The following NEMP2 variants were observed in gnomAD, a reference collection of about 807,000 sequenced individuals.
NEMP2 encodes the protein nuclear envelope integral membrane protein 2, also known as UPF0571 transmembrane protein.
A neutral mutation model predicts 54.2 loss-of-function variants in NEMP2; 53 were observed. That is an observed-to-expected ratio of 0.98 (90% CI 0.78 to 1.23). The LOEUF (loss-of-function observed/expected upper bound fraction) is 1.23. Ranked by LOEUF, NEMP2 falls within the 50% of genes most tolerant of loss-of-function variation. The pLI is 0.00. For synonymous variants in NEMP2, 197 were observed against 190.3 expected (o/e 1.04, Z -0.29); for missense variants, 455 against 511.3 (o/e 0.89, Z 1.06).
In NEMP2 at chr2:190,510,647, C is replaced by T. The variant is rs1011185180; in HGVS notation, c.954-110G>A. 5 of 1,108,286 alleles carry T rather than the reference C, an allele frequency of 4.5e-6. No individual in the cohort carries two copies. Among genetic ancestry groups the T allele is most frequent in the Non-Finnish European group, 5.2e-6 (4 of 766,706 alleles). 68.7% of individuals were successfully genotyped at this position (1,108,286 alleles called of 1,614,324 possible). On this transcript the variant is annotated intron_variant, in intron 7 of 8. Transcript: ENST00000409150. The surrounding 1 kb of genome is among the most constrained non-coding windows in gnomAD (Gnocchi z 5.7). Reference sequence around the variant, plus strand: ...CCTGTAATCCAGCATTTTGGGAGGCCTGGGGAGGCGGATCACGAGGTCAGG... The same window carrying T: ...CCTGTAATCCAGCATTTTGGGAGGCTTGGGGAGGCGGATCACGAGGTCAGG...
chr2:190,621,355 C>T, the NEMP2 span, among the ~76,000 whole-genome samples: 23,383 of 152,096 alleles, frequency 0.15, 2,717 homozygotes, highest in Admixed American at 0.36. Flanking sequence ...AACATTTGTG[C>T]GTCTCAACAT....
At chr2:190,473,537 A>C in the NEMP2 span, among the ~76,000 whole-genome samples, 4 of 152,204 alleles carry the variant, frequency 2.6e-5, no homozygotes, top group African/African-American at 9.6e-5. Context: ...CTAAATATAT[A>C]TGCACCCAAT....
At chr2:190,498,506 A>G in the NEMP2 span, among the ~76,000 whole-genome samples, 1 of 152,190 alleles carries the variant, frequency 6.6e-6, no homozygotes, top group African/African-American at 2.4e-5. This position sits in a 1 kb window ranked among gnomAD's most constrained non-coding sequence, Gnocchi z 5.9. Flanking sequence ...CTGTTAATTA[A>G]TCTCACTTTG....
chr2:190,531,455 C>T lies in NEMP2; in HGVS notation c.97+3104G>A, dbSNP rs192437876. 6.6e-6 allele frequency among the ~76,000 whole-genome samples: 1 copy of T among 152,208 alleles called. No homozygotes were observed. The highest frequency in any genetic ancestry group is 1.5e-5 in the Non-Finnish European group (1 of 68,040). ...AACTTCTTGCAATCCTCAGCAGGCT[C>T]TTTGATGCTTTCAATTAACCTGACT... On this transcript the variant is annotated intron_variant, in intron 1 of 8. Transcript: ENST00000409150. This position sits in a 1 kb window ranked among gnomAD's most constrained non-coding sequence, Gnocchi z 4.7.
At position 190,516,385 on chromosome 2, in the gene NEMP2, C is replaced by G; in HGVS notation, c.613-1G>C. 6.5e-7 allele frequency: 1 copy of G among 1,541,498 alleles called. No individual in the cohort carries two copies. The highest frequency in any genetic ancestry group is 2.4e-5 in the East Asian group (1 of 40,854). On this transcript the variant is annotated splice_acceptor_variant, in intron 5 of 8. Coordinates refer to ENST00000409150, the MANE Select transcript of NEMP2 (RefSeq NM_001142645.2). LOFTEE classifies it high-confidence loss of function. The stretch of plus-strand genomic sequence containing the variant: ...CCATTAGAGCCCAAAAGGTGCTATA[C>G]TGTGTGTGGAAGAAAATAAATGACA...
At chr2:190,542,409 G>A in the NEMP2 span, among the ~76,000 whole-genome samples, 11 of 152,144 alleles carry the variant, frequency 7.2e-5, no homozygotes, top group South Asian at 2.1e-4. The surrounding 1 kb of genome is among the most constrained non-coding windows in gnomAD (Gnocchi z 4.6). Context: ...ACAAAATTTC[G>A]CCATGTTGGC....
At chr2:190,462,150 TA>T in the NEMP2 span, among the ~76,000 whole-genome samples, 1 of 152,194 alleles carries the variant, frequency 6.6e-6, no homozygotes, top group Non-Finnish European at 1.5e-5. This position sits in a 1 kb window ranked among gnomAD's most constrained non-coding sequence, Gnocchi z 5.7. Context: ...TGTATTAATA[TA>T]ATGTGAATAT....
At chr2:190,633,533 C>T in the NEMP2 span, among the ~76,000 whole-genome samples, 8 of 151,964 alleles carry the variant, frequency 5.3e-5, no homozygotes, top group Non-Finnish European at 8.8e-5. Flanking sequence ...AGGCTGGTCT[C>T]AAACTCCTGA....
rs931734833 is a variant in NEMP2, at chr2:190,530,855, A to C, written c.97+3704T>G. ...AGAACCTCCGGTAGCAGATGTAGGC[A>C]AACTCAAATGTATCAAAACAACAAC... is the stretch of plus-strand genomic sequence containing the variant. On this transcript the variant is annotated intron_variant, in intron 1 of 8. Transcript: ENST00000409150. This position sits in a 1 kb window ranked among gnomAD's most constrained non-coding sequence, Gnocchi z 4.6. Among the ~76,000 whole-genome samples, 1 of 152,212 alleles carries C rather than the reference A, an allele frequency of 6.6e-6. No homozygotes were observed. Among genetic ancestry groups the C allele is most frequent in the Non-Finnish European group, 1.5e-5 (1 of 68,030 alleles).
At chr2:190,564,750 T>C in the NEMP2 span, among the ~76,000 whole-genome samples, 25,409 of 152,210 alleles carry the variant, frequency 0.17, 2,296 homozygotes, top group Middle Eastern at 0.22. The surrounding 1 kb of genome is among the most constrained non-coding windows in gnomAD (Gnocchi z 4.2). Context: ...CCACTAAGTT[T>C]CTAGTTGCTG....
the NEMP2 span, among the ~76,000 whole-genome samples, chr2:190,549,565 T>A: frequency 6.6e-6 from 1 of 152,210 alleles, no homozygotes; most frequent in African/African-American, 2.4e-5. Flanking sequence ...TTTTGAATAA[T>A]ATTATCATGA....
At chr2:190,602,022 C>G in the NEMP2 span, among the ~76,000 whole-genome samples, 1 of 152,110 alleles carries the variant, frequency 6.6e-6, no homozygotes, top group Non-Finnish European at 1.5e-5. Flanking sequence ...CTAAAATGAA[C>G]ACACAGATAA....
At chr2:190,498,923 G>A in the NEMP2 span, among the ~76,000 whole-genome samples, 1 of 152,140 alleles carries the variant, frequency 6.6e-6, no homozygotes, top group Non-Finnish European at 1.5e-5. The surrounding 1 kb of genome is among the most constrained non-coding windows in gnomAD (Gnocchi z 5.9). Context: ...GCCGAGGTGG[G>A]TGGATCACGA....
Position 190,508,988 on chromosome 2 carries a change from C to T in NEMP2, c.*201G>A, listed in dbSNP as rs557703048. On this transcript the variant is annotated 3_prime_UTR_variant, in exon 9 of 9. Coordinates refer to ENST00000409150, the MANE Select transcript of NEMP2 (RefSeq NM_001142645.2). This position sits in a 1 kb window ranked among gnomAD's most constrained non-coding sequence, Gnocchi z 4.3. ...GTCACAGAATTTTGGTATCCACCTA[C>T]AGTACAATAAGTAGCAGAAGTCACC... 138 of 705,076 alleles carry T rather than the reference C, an allele frequency of 2.0e-4. No individual in the cohort carries two copies. The Middle Eastern group carries it at 2.0e-3, about 10-fold the overall frequency. The allele number at this position is 705,076 out of a possible 1,614,324, so 43.7% of individuals were successfully genotyped here.
At chr2:190,642,034 T>C in the NEMP2 span, among the ~76,000 whole-genome samples, 19 of 152,368 alleles carry the variant, frequency 1.2e-4, no homozygotes, top group Admixed American at 3.9e-4. This position sits in a 1 kb window ranked among gnomAD's most constrained non-coding sequence, Gnocchi z 4.1. Flanking sequence ...AATATACTTT[T>C]CTGCTCTTTC....
upstream of NEMP2, chr2:190,534,792 C>T: frequency 1.4e-5 from 8 of 590,876 alleles, no homozygotes; most frequent in Non-Finnish European, 1.7e-5. Context: ...GACCCCGCCT[C>T]CCCGGGGCGG....
At chr2:190,483,269 ATTTACTATAGAATAC>A in the NEMP2 span, among the ~76,000 whole-genome samples, 3 of 152,158 alleles carry the variant, frequency 2.0e-5, no homozygotes, top group African/African-American at 7.2e-5. Context: ...AGATAGTTAC[ATTTACTATAGAATAC>A]TTCTAACAAT....
At chr2:190,567,381 G>A in the NEMP2 span, among the ~76,000 whole-genome samples, 13 of 152,040 alleles carry the variant, frequency 8.6e-5, 2 homozygotes, top group African/African-American at 2.9e-4. This position sits in a 1 kb window ranked among gnomAD's most constrained non-coding sequence, Gnocchi z 4.0. Flanking sequence ...TACAAGAAAA[G>A]TTCCCAGAAC....
the NEMP2 span, among the ~76,000 whole-genome samples, chr2:190,602,412 T>G: frequency 2.0e-5 from 3 of 152,230 alleles, no homozygotes; most frequent in Non-Finnish European, 4.4e-5. Flanking sequence ...TTCAACTGAT[T>G]GGATGATGCC....
Sources: allele counts gnomAD v4.1 joint callset (sites outside exome capture counted in the v4.1 genomes callset), GRCh38; gene constraint gnomAD v4.1.1; non-coding constraint Gnocchi (gnomAD v3.1); transcripts MANE v1.5; gene names NCBI Gene and HGNC (gene_info 2026-07-23, HGNC 2026-07-21).